The following SPDYA variants were observed in gnomAD, a reference collection of about 807,000 sequenced individuals.
The protein encoded by SPDYA is speedy protein A.
Under a neutral mutation model 36.7 loss-of-function variants are expected in SPDYA, and 11 were observed. The observed-to-expected ratio is 0.30, with a 90% confidence interval of 0.19 to 0.50. SPDYA has a LOEUF of 0.50. Ranked by LOEUF, SPDYA falls within the 20% of genes least tolerant of loss-of-function variation. The probability of loss-of-function intolerance (pLI) is 0.98; values close to 1 mark genes in which losing one functional copy is unlikely to be tolerated. For synonymous variants in SPDYA, 115 were observed against 118.7 expected (o/e 0.97, Z 0.20); for missense variants, 287 against 370.9 (o/e 0.77, Z 1.86).
At chr2:28,819,940 G>A (rs1668115868) in intron 4 of SPDYA, among the ~76,000 whole-genome samples, 1 of 135,462 alleles carries the variant, frequency 7.4e-6, no homozygotes, top group Admixed American at 7.7e-5. Flanking sequence ...GAGCCAGGGA[G>A]ATCAAGGCTG....
intron 6 of SPDYA, among the ~76,000 whole-genome samples, chr2:28,833,103 TG>T (rs1046626528): frequency 4.6e-5 from 7 of 152,164 alleles, no homozygotes; most frequent in African/African-American, 1.7e-4. Context: ...CCCAAAGTGC[TG>T]GGATTGCAGG....
intron 7 of SPDYA, among the ~76,000 whole-genome samples, chr2:28,847,652 C>T (rs571613920): frequency 7.5e-4 from 109 of 144,994 alleles, no homozygotes; most frequent in African/African-American, 2.7e-3. Context: ...AGGCTGAGAC[C>T]GGGGAATTGC....
At chr2:28,813,053 A>G (rs1225815846) in intron 1 of SPDYA, among the ~76,000 whole-genome samples, 5 of 152,160 alleles carry the variant, frequency 3.3e-5, no homozygotes, top group African/African-American at 1.2e-4. Context: ...AAATTAAAAG[A>G]TACCCTTAGG....
chr2:28,849,410 G>T (rs908242728), intron 7 of SPDYA, among the ~76,000 whole-genome samples: 5 of 152,174 alleles, frequency 3.3e-5, no homozygotes, highest in Non-Finnish European at 2.9e-5. Flanking sequence ...TCCTGCCTCA[G>T]CTTCCCAAGT....
At chr2:28,839,530 C>G (rs1167663015) in intron 6 of SPDYA, among the ~76,000 whole-genome samples, 1 of 152,158 alleles carries the variant, frequency 6.6e-6, no homozygotes, top group Non-Finnish European at 1.5e-5. Context: ...GAGACGGAGT[C>G]TCTCTCTGTG....
chr2:28,825,480 G>A (rs571555996), intron 5 of SPDYA, among the ~76,000 whole-genome samples: 21 of 151,996 alleles, frequency 1.4e-4, no homozygotes, highest in African/African-American at 4.8e-4. Context: ...TTTTTGTATG[G>A]CCTCAATAGT....
At chr2:28,849,589 A>C (rs1668983720) in intron 7 of SPDYA, among the ~76,000 whole-genome samples, 1 of 152,210 alleles carries the variant, frequency 6.6e-6, no homozygotes, top group Non-Finnish European at 1.5e-5. Context: ...CCAAACATTT[A>C]ATTTGTGTAG....
intron 5 of SPDYA, among the ~76,000 whole-genome samples, chr2:28,823,730 TATATATATATATATAA>T (rs1407857104): frequency 8.5e-5 from 9 of 105,746 alleles, no homozygotes; most frequent in Non-Finnish European, 1.5e-4. Context: ...TATATATATA[TATATATATATATATAA>T]AATTTTTTTT....
intron 1 of SPDYA, among the ~76,000 whole-genome samples, chr2:28,812,511 A>C (rs1249347986): frequency 1.3e-5 from 2 of 152,078 alleles, no homozygotes; most frequent in African/African-American, 4.8e-5. Flanking sequence ...CATCCTATTC[A>C]AGTATGAATC....
At chr2:28,844,002 T>C (rs1037508897) in intron 7 of SPDYA, among the ~76,000 whole-genome samples, 1 of 152,120 alleles carries the variant, frequency 6.6e-6, no homozygotes, top group African/African-American at 2.4e-5. Context: ...TAGCCCTGGA[T>C]CATATAGGGA....
In SPDYA at chr2:28,811,397, T is replaced by G. The variant is rs1208548401; in HGVS notation, c.-93+450T>G. On this transcript the variant is annotated intron_variant, in intron 1 of 7. Coordinates refer to ENST00000334056, the MANE Select transcript of SPDYA (RefSeq NM_182756.4). The surrounding 1 kb of genome is among the most constrained non-coding windows in gnomAD (Gnocchi z 4.2). ...TTTGGGGGGTCTTTTTGATAAATCC[T>G]ACCTCCTTATGTCCCATTAAACACC... Among the ~76,000 whole-genome samples, 1 of 152,162 alleles carries G rather than the reference T, an allele frequency of 6.6e-6. No homozygotes were observed. Among genetic ancestry groups the G allele is most frequent in the Non-Finnish European group, 1.5e-5 (1 of 68,004 alleles).
intron 7 of SPDYA, among the ~76,000 whole-genome samples, chr2:28,847,036 T>C (rs1668894562): frequency 6.6e-6 from 1 of 152,198 alleles, no homozygotes; most frequent in African/African-American, 2.4e-5. Context: ...GAGTATTCCA[T>C]GATGGAATTA....
intron 7 of SPDYA, among the ~76,000 whole-genome samples, chr2:28,847,006 T>C (rs1275095080): frequency 3.3e-5 from 5 of 152,094 alleles, no homozygotes; most frequent in African/African-American, 9.7e-5. Flanking sequence ...ACTAGCTAAA[T>C]AGAAGGGTAG....
At chr2:28,822,517 T>G (rs1271268637) in intron 5 of SPDYA, 107 bp downstream of exon 5, 1 of 474,400 alleles carries the variant, frequency 2.1e-6, no homozygotes, top group African/African-American at 2.0e-5. Context: ...TGAATAGGCC[T>G]TCCTGTATAA....
At chr2:28,815,270 A>G (rs1667956556) in intron 2 of SPDYA, among the ~76,000 whole-genome samples, 1 of 147,430 alleles carries the variant, frequency 6.8e-6, no homozygotes, top group South Asian at 2.2e-4. Flanking sequence ...TGACAGAGCA[A>G]GACCCTGTCT....
intron 5 of SPDYA, 62 bp from the exon 6 acceptor site, chr2:28,829,086 T>A: frequency 1.4e-6 from 2 of 1,462,430 alleles, no homozygotes; most frequent in Non-Finnish European, 1.9e-6. Flanking sequence ...TCTTGGTGTA[T>A]GTGAACTACC....
intron 7 of SPDYA, among the ~76,000 whole-genome samples, chr2:28,844,796 T>C (rs1453906485): frequency 6.6e-6 from 1 of 151,774 alleles, no homozygotes; most frequent in Non-Finnish European, 1.5e-5. Flanking sequence ...TAGCTGGGCA[T>C]GGTGCGGGTG....
At chr2:28,838,289 C>G (rs1287873910) in intron 6 of SPDYA, among the ~76,000 whole-genome samples, 2 of 150,694 alleles carry the variant, frequency 1.3e-5, no homozygotes, top group Non-Finnish European at 2.9e-5. Flanking sequence ...TCAAACGATT[C>G]TCCTGCCTTA....
chr2:28,837,335 A>C (rs1668628039), intron 6 of SPDYA, among the ~76,000 whole-genome samples: 1 of 152,198 alleles, frequency 6.6e-6, no homozygotes, highest in Admixed American at 6.5e-5. Context: ...AATATATATA[A>C]CAGGAAGAGT....
Sources: gnomAD v4.1 joint callset for allele counts (sites outside exome capture counted in the v4.1 genomes callset) on GRCh38, gnomAD v4.1.1 for gene constraint, Gnocchi (gnomAD v3.1) non-coding constraint, MANE v1.5 for transcripts, NCBI Gene and HGNC (gene_info 2026-07-23, HGNC 2026-07-21) for gene names.